MARCHF11: variants seen among roughly 807,000 people sequenced by gnomAD.
MARCHF11 encodes the protein membrane associated ring-CH-type finger 11.
A neutral mutation model predicts 37.3 loss-of-function variants in MARCHF11; 29 were observed. The observed-to-expected ratio is 0.78, with a 90% CI of 0.58 to 1.06. MARCHF11 has a LOEUF of 1.06. Ranked by LOEUF, MARCHF11 falls within the 50% of genes least tolerant of loss-of-function variation. The pLI is 0.00. For missense variants in MARCHF11, 482 were observed against 533.4 expected (o/e 0.90, Z 0.95); for synonymous variants, 233 against 228.0 (o/e 1.02, Z -0.20).
intron 2 of MARCHF11, among the ~76,000 whole-genome samples, chr5:16,156,754 T>C (rs1026259956): frequency 2.0e-5 from 3 of 151,906 alleles, no homozygotes; most frequent in African/African-American, 4.8e-5. Context: ...ACTTAAATGG[T>C]ATAGCCTACT....
rs1446576819 is a variant in MARCHF11 at position 16,067,544 on chromosome 5, C to T, written c.1136G>A (p.Arg379Gln). ...TGATAAGTCTTCATGGGGCCTCATC[C>T]GATTGAACAGGTGCAATAACACATA... is the stretch of plus-strand genomic sequence containing the variant. The part of the protein sequence containing the change: ...CGYVLLHLFN[R>Q]MRPHEDLSED... The change falls in exon 4 of 4, where the codon CGG becomes CAG. Residue 379 changes from arginine (R) to glutamine (Q), a missense_variant. Coordinates refer to ENST00000332432, the MANE Select transcript of MARCHF11 (RefSeq NM_001102562.3). 6.2e-6 allele frequency: 10 copies of T among 1,613,804 alleles called. No individual in the cohort carries two copies. Among genetic ancestry groups the T allele is most frequent in the African/African-American group, 1.3e-5 (1 of 74,890 alleles).
chr5:16,067,367 A>C lies in MARCHF11; in HGVS notation c.*104T>G. ...TTCATATAAAAAGCATAAATTTTAA[A>C]AAGTTCATAGATGTGTTTTTAGAAG... On this transcript the variant is annotated 3_prime_UTR_variant, in exon 4 of 4. Transcript: ENST00000332432. 1.9e-6 allele frequency: 2 copies of C among 1,060,524 alleles called. No homozygotes were observed. The highest frequency in any genetic ancestry group is 3.6e-5 in the South Asian group (2 of 56,202). The allele number at this position is 1,060,524 out of a possible 1,614,324, so 65.7% of individuals were successfully genotyped here.
Position 16,135,902 on chromosome 5 carries a change from G to A in MARCHF11, c.693+41824C>T, listed in dbSNP as rs1249440770. ...ATTTAAAAAAAAAAAAAAAAAAGAA[G>A]GAAGGGAGGGAAAGAGAAAGAAATA... On this transcript the variant is annotated intron_variant, in intron 2 of 3. Transcript: ENST00000332432. Among the ~76,000 whole-genome samples the A allele has an allele frequency of 4.1e-5, 6 of 147,400 alleles. No homozygotes were observed. In the South Asian group the frequency reaches 6.5e-4, roughly 16 times the overall value.
At chr5:16,143,969 C>T (rs1579409668) in intron 2 of MARCHF11, among the ~76,000 whole-genome samples, 1 of 152,326 alleles carries the variant, frequency 6.6e-6, no homozygotes, top group East Asian at 1.9e-4. Context: ...CGTGATGATG[C>T]TCACTCCATC....
chr5:16,079,088 C>T (rs1046660795), intron 3 of MARCHF11, among the ~76,000 whole-genome samples: 2 of 152,196 alleles, frequency 1.3e-5, no homozygotes, highest in Non-Finnish European at 2.9e-5. Flanking sequence ...CCTGAGCCTG[C>T]TCCATCCCCC....
At chr5:16,174,854 C>T (rs991154550) in intron 2 of MARCHF11, among the ~76,000 whole-genome samples, 1 of 152,158 alleles carries the variant, frequency 6.6e-6, no homozygotes, top group Non-Finnish European at 1.5e-5. Context: ...AAAGAAGGGC[C>T]AGACTCCAGA....
In MARCHF11 at chr5:16,179,271, G is replaced by A; in HGVS notation, c.305C>T (p.Ser102Phe). The A allele has an allele frequency of 5.3e-6, 7 of 1,310,686 alleles. No homozygotes were observed. Among genetic ancestry groups the A allele is most frequent in the Non-Finnish European group, 6.8e-6 (7 of 1,027,994 alleles). 81.2% of individuals were successfully genotyped at this position (1,310,686 alleles called of 1,614,324 possible). The change falls in exon 1 of 4, where the codon TCC becomes TTC. Residue 102 changes from serine to phenylalanine, a missense_variant. By Grantham distance (155) the Ser-to-Phe change is radical. Coordinates refer to ENST00000332432, the MANE Select transcript of MARCHF11 (RefSeq NM_001102562.3). ...AGQEVAAAGD[S>F]GEGPRRLPEA... ...CGGGAGGCGCCTCGGACCTTCCCCG[G>A]AGTCGCCGGCCGCCGCCACTTCCTG... is the stretch of plus-strand genomic sequence containing the variant.
intron 2 of MARCHF11, among the ~76,000 whole-genome samples, chr5:16,137,508 A>G (rs1737627655): frequency 6.6e-6 from 1 of 152,222 alleles, no homozygotes; most frequent in Non-Finnish European, 1.5e-5. Flanking sequence ...AGTTTTCTTC[A>G]TAGCAGTATT....
intron 2 of MARCHF11, among the ~76,000 whole-genome samples, chr5:16,175,059 C>T (rs1738333450): frequency 6.6e-6 from 1 of 152,208 alleles, no homozygotes; most frequent in African/African-American, 2.4e-5. Context: ...AACTGACACA[C>T]CAGGTGGCAG....
chr5:16,142,622 C>A (rs752670570), intron 2 of MARCHF11, among the ~76,000 whole-genome samples: 3 of 151,992 alleles, frequency 2.0e-5, no homozygotes, highest in Non-Finnish European at 2.9e-5. Flanking sequence ...TTCCACTACC[C>A]CGGCCTCCCT....
rs1423199487 is a variant in MARCHF11 at position 16,069,976 on chromosome 5, C to A, written c.887-2183G>T. 2.6e-5 allele frequency among the ~76,000 whole-genome samples: 4 copies of A among 152,182 alleles called. No individual in the cohort carries two copies. The East Asian group carries it at 7.7e-4, about 29-fold the overall frequency. On this transcript the variant is annotated intron_variant, in intron 3 of 3. Coordinates refer to ENST00000332432, the MANE Select transcript of MARCHF11 (RefSeq NM_001102562.3). The stretch of plus-strand genomic sequence containing the variant: ...ATTCCAAATATATTAATATAGGCTA[C>A]AAAAAATGCATGTGGTCTAACAAGC...
chr5:16,165,612 G>T (rs976771338), intron 2 of MARCHF11, among the ~76,000 whole-genome samples: 4 of 152,118 alleles, frequency 2.6e-5, no homozygotes, highest in Admixed American at 2.0e-4. Context: ...ATTTGGTTTT[G>T]TCTGATGTTT....
intron 3 of MARCHF11, among the ~76,000 whole-genome samples, chr5:16,075,078 T>G (rs75287931): frequency 0.027 from 4,137 of 152,302 alleles, 175 homozygotes; most frequent in African/African-American, 0.094. Flanking sequence ...TGGCAGTGAA[T>G]GAAGCACACC....
intron 2 of MARCHF11, among the ~76,000 whole-genome samples, chr5:16,127,817 A>G (rs1225474680): frequency 6.6e-6 from 1 of 152,148 alleles, no homozygotes; most frequent in Non-Finnish European, 1.5e-5. Context: ...TTTGTTCTCA[A>G]TCACAGGATC....
At chr5:16,136,155 G>A (rs941945769) in intron 2 of MARCHF11, among the ~76,000 whole-genome samples, 3 of 152,048 alleles carry the variant, frequency 2.0e-5, no homozygotes, top group African/African-American at 7.2e-5. Context: ...TAGAGAAGGA[G>A]ATTCTATATA....
At chr5:16,147,922 T>A (rs972393320) in intron 2 of MARCHF11, among the ~76,000 whole-genome samples, 1 of 152,118 alleles carries the variant, frequency 6.6e-6, no homozygotes, top group African/African-American at 2.4e-5. Context: ...ATGAGTACAC[T>A]TCCAATGAGA....
At chr5:16,175,024 A>G (rs1738332788) in intron 2 of MARCHF11, among the ~76,000 whole-genome samples, 1 of 152,228 alleles carries the variant, frequency 6.6e-6, no homozygotes, top group African/African-American at 2.4e-5. Flanking sequence ...TATCACAGTG[A>G]AAAGCAGCAG....
At chr5:16,164,360 G>A (rs867135883) in intron 2 of MARCHF11, among the ~76,000 whole-genome samples, 34 of 152,094 alleles carry the variant, frequency 2.2e-4, no homozygotes, top group South Asian at 6.2e-4. Flanking sequence ...GATTAACAAG[G>A]AAATAGAAGT....
intron 3 of MARCHF11, 60 bp downstream of exon 3, chr5:16,090,829 G>A (rs749485403): frequency 4.1e-5 from 53 of 1,298,544 alleles, no homozygotes; most frequent in Admixed American, 1.8e-4. Flanking sequence ...TGGTGAAAAC[G>A]TAATCGCTGA....
Sources: gnomAD v4.1 joint callset for allele counts (sites outside exome capture counted in the v4.1 genomes callset) on GRCh38, gnomAD v4.1.1 for gene constraint, MANE v1.5 for transcripts, NCBI Gene and HGNC (gene_info 2026-07-23, HGNC 2026-07-21) for gene names.